THSD7B: variants seen among roughly 807,000 people sequenced by gnomAD.
The protein encoded by THSD7B is thrombospondin type 1 domain containing 7B.
THSD7B carries 138 observed loss-of-function variants against 213.6 expected under a neutral mutation model. The observed-to-expected ratio is 0.65, with a 90% CI of 0.56 to 0.74. THSD7B has a LOEUF of 0.74. THSD7B is among the 30% of genes least tolerant of loss of function. The pLI, the probability that THSD7B is intolerant of heterozygous loss-of-function variation, is 0.00. For missense variants in THSD7B, 1,931 were observed against 1,991.5 expected (o/e 0.97, Z 0.58); for synonymous variants, 742 against 687.0 (o/e 1.08, Z -1.25).
At chr2:137,154,462 C>G (rs1467444266) in intron 5 of THSD7B, among the ~76,000 whole-genome samples, 1 of 152,078 alleles carries the variant, frequency 6.6e-6, no homozygotes, top group Non-Finnish European at 1.5e-5. Flanking sequence ...GCAAATATAA[C>G]TTCCTGTATT....
intron 15 of THSD7B, among the ~76,000 whole-genome samples, chr2:137,513,971 C>CG (rs2105156322): frequency 6.6e-6 from 1 of 152,328 alleles, no homozygotes; most frequent in South Asian, 2.1e-4. Context: ...CAGTTGCTTT[C>CG]TATCTCTATG....
At chr2:137,382,072 A>G (rs780099569) in intron 12 of THSD7B, among the ~76,000 whole-genome samples, 2 of 152,096 alleles carry the variant, frequency 1.3e-5, no homozygotes, top group Non-Finnish European at 2.9e-5. Flanking sequence ...AACTTGATGG[A>G]CCACTTGACG....
chr2:137,009,817 C>A (rs981671731), intron 2 of THSD7B, among the ~76,000 whole-genome samples: 1 of 152,172 alleles, frequency 6.6e-6, no homozygotes, highest in East Asian at 1.9e-4. Context: ...CACAGCCAAA[C>A]CATATCACAT....
intron 21 of THSD7B, among the ~76,000 whole-genome samples, chr2:137,645,756 T>C (rs942441738): frequency 6.6e-6 from 1 of 152,116 alleles, no homozygotes; most frequent in Admixed American, 6.5e-5. Context: ...TCAAATTTCA[T>C]GTATGTTACA....
At chr2:137,292,843 A>G (rs956594007) in intron 12 of THSD7B, among the ~76,000 whole-genome samples, 4 of 152,120 alleles carry the variant, frequency 2.6e-5, no homozygotes, top group South Asian at 4.2e-4. Flanking sequence ...TGGCCATTCC[A>G]TGTATATCAT....
intron 15 of THSD7B, among the ~76,000 whole-genome samples, chr2:137,487,235 G>A (rs2105115581): frequency 6.8e-6 from 1 of 148,050 alleles, no homozygotes; most frequent in South Asian, 2.1e-4. Context: ...GGGCGCAGTG[G>A]CGGGCGCCTG....
intron 20 of THSD7B, among the ~76,000 whole-genome samples, chr2:137,625,040 G>A (rs1682596328): frequency 6.6e-6 from 1 of 152,154 alleles, no homozygotes; most frequent in East Asian, 1.9e-4. Flanking sequence ...GTTTATTGTG[G>A]CACTATTCAC....
At chr2:137,543,334 A>C (rs1680642614) in intron 15 of THSD7B, among the ~76,000 whole-genome samples, 1 of 151,866 alleles carries the variant, frequency 6.6e-6, no homozygotes, top group Admixed American at 6.6e-5. Context: ...GTATCTCTGC[A>C]ATACTGTTGT....
In THSD7B at chr2:137,563,244, C is replaced by T. The variant is rs1403865890; in HGVS notation, c.3162C>T (p.Tyr1054=). ...AGGTACATGAGGCAGTCCCATGTTA[C>T]AGTGAGTGCAATCAGTATTCCTGGG... ...KNQVHEAVPC[Y]SECNQYSWVV... Residue 1054 remains tyrosine (Y), a synonymous_variant, in exon 16 of 28, where the codon TAC becomes TAT. Coordinates refer to ENST00000409968, the MANE Select transcript of THSD7B (RefSeq NM_001316349.2). 1 of 1,613,376 alleles carries T rather than the reference C, an allele frequency of 6.2e-7. No individual in the cohort carries two copies. The highest frequency in any genetic ancestry group is 1.7e-5 in the Admixed American group (1 of 59,900).
chr2:137,611,002 TAATA>T (rs1202221929), intron 17 of THSD7B, among the ~76,000 whole-genome samples: 2 of 144,250 alleles, frequency 1.4e-5, no homozygotes, highest in African/African-American at 2.6e-5. Flanking sequence ...ATAATAATAA[TAATA>T]AATAAAAAAT....
intron 15 of THSD7B, among the ~76,000 whole-genome samples, chr2:137,532,789 A>G (rs188070476): frequency 6.6e-6 from 1 of 151,798 alleles, no homozygotes; most frequent in East Asian, 1.9e-4. Context: ...CTGTAATAAT[A>G]TAAAACAAAC....
At chr2:136,776,596 T>C (rs1467225352) in intron 1 of THSD7B, among the ~76,000 whole-genome samples, 2 of 152,040 alleles carry the variant, frequency 1.3e-5, no homozygotes, top group Non-Finnish European at 2.9e-5. Flanking sequence ...GGCAGAAAAA[T>C]GTACACAGGG....
chr2:136,838,643 A>G (rs1682877041), intron 1 of THSD7B, among the ~76,000 whole-genome samples: 1 of 152,082 alleles, frequency 6.6e-6, no homozygotes, highest in Admixed American at 6.5e-5. Context: ...CCCTTTCAAA[A>G]TGAGGTTATT....
chr2:137,607,676 C>T (rs1442487458), intron 17 of THSD7B, among the ~76,000 whole-genome samples: 1 of 152,128 alleles, frequency 6.6e-6, no homozygotes, highest in Admixed American at 6.5e-5. Flanking sequence ...GAGAATTCAG[C>T]CCAGCATTTT....
chr2:137,465,939 T>C (rs1387532144), intron 15 of THSD7B, among the ~76,000 whole-genome samples: 5 of 152,156 alleles, frequency 3.3e-5, no homozygotes, highest in African/African-American at 1.2e-4. Flanking sequence ...CCTCTGAATA[T>C]GTGGAAAAAT....
chr2:137,151,340 T>G (rs752325073), intron 5 of THSD7B, among the ~76,000 whole-genome samples: 13 of 152,116 alleles, frequency 8.5e-5, no homozygotes, highest in Non-Finnish European at 1.9e-4. Context: ...ACTTTTAAAC[T>G]TCTTTGTTAA....
intron 10 of THSD7B, among the ~76,000 whole-genome samples, chr2:137,257,095 C>T (rs1199589111): frequency 6.6e-6 from 1 of 152,120 alleles, no homozygotes; most frequent in Non-Finnish European, 1.5e-5. Flanking sequence ...TCCGTAATCC[C>T]ATTAATCCAT....
At chr2:136,938,048 C>T (rs888120221) in intron 2 of THSD7B, among the ~76,000 whole-genome samples, 1 of 152,220 alleles carries the variant, frequency 6.6e-6, no homozygotes, top group Middle Eastern at 3.4e-3. Flanking sequence ...AGAAGTCCAG[C>T]AAAGAGTGTG....
chr2:137,501,412 G>C (rs1352168628), intron 15 of THSD7B, among the ~76,000 whole-genome samples: 1 of 141,092 alleles, frequency 7.1e-6, no homozygotes, highest in Non-Finnish European at 1.6e-5. Flanking sequence ...TACATTGAGG[G>C]GTTCTGCATC....
Sources: allele counts gnomAD v4.1 joint callset (sites outside exome capture counted in the v4.1 genomes callset), GRCh38; gene constraint gnomAD v4.1.1; transcripts MANE v1.5; gene names NCBI Gene and HGNC (gene_info 2026-07-23, HGNC 2026-07-21).